Variants in ANKRD54 observed in about 807,000 individuals in gnomAD.
ANKRD54 encodes the protein ankyrin repeat domain 54.
In ANKRD54, 26 loss-of-function variants were observed where a neutral mutation model predicts 36.2. The observed-to-expected ratio is 0.72, with a 90% confidence interval of 0.53 to 1.00. ANKRD54 has a LOEUF of 1.00. Among genes scored for constraint, ANKRD54 ranks in the 50% least tolerant of loss-of-function variants. ANKRD54 has a pLI of 0.00. For synonymous variants in ANKRD54, 209 were observed against 188.4 expected (o/e 1.11, Z -0.89); for missense variants, 384 against 424.3 (o/e 0.91, Z 0.83).
chr22:37,834,586 T>A (rs764718350), intron 3 of ANKRD54: 1 of 149,272 alleles, frequency 6.7e-6, no homozygotes, highest in Non-Finnish European at 1.5e-5. Flanking sequence ...TAGTCCCAGC[T>A]ACTTGAGAGG....
At chr22:37,841,089 A>G (rs1313204896) in intron 1 of ANKRD54, among the ~76,000 whole-genome samples, 1 of 151,344 alleles carries the variant, frequency 6.6e-6, no homozygotes, top group Non-Finnish European at 1.5e-5. Context: ...CAGGAAAAAA[A>G]AAAAAAAAAA....
At position 37,844,024 on chromosome 22, in the gene ANKRD54, C is replaced by T; in HGVS notation, c.215G>A (p.Trp72Ter). 5 of 1,438,742 alleles carry T rather than the reference C, an allele frequency of 3.5e-6. No individual in the cohort carries two copies. The highest frequency in any genetic ancestry group is 4.5e-6 in the Non-Finnish European group (5 of 1,101,634). The allele number at this position is 1,438,742 out of a possible 1,614,324, so 89.1% of individuals were successfully genotyped here. Residue 72 changes from tryptophan to a stop codon, truncating the protein, a stop_gained, in exon 1 of 8, where the codon TGG (tryptophan) becomes TAG (stop). Coordinates refer to ENST00000215941, the MANE Select transcript of ANKRD54 (RefSeq NM_138797.4). LOFTEE classifies it high-confidence loss of function. The part of the protein sequence containing the change: ...QSPLRYLHVL[W>*]QQDAEPRDEL... ...GTCGCGCGGCTCCGCATCCTGCTGC[C>T]ACAGGACGTGCAAGTAGCGCAGCGG...
rs769611981 is a variant in ANKRD54 at position 37,844,057 on chromosome 22, G to T, written c.182C>A (p.Ala61Asp). The T allele has an allele frequency of 9.8e-6, 14 of 1,435,114 alleles. No individual in the cohort carries two copies. Among genetic ancestry groups the T allele is most frequent in the Non-Finnish European group, 1.3e-5 (14 of 1,102,376 alleles). 88.9% of individuals were successfully genotyped at this position (1,435,114 alleles called of 1,614,324 possible). Reference sequence around the variant, plus strand: ...GTGCAAGTAGCGCAGCGGCGACTGGGCCCCGCCGGACGCCCGGCCCGAGAG... The same window carrying T: ...GTGCAAGTAGCGCAGCGGCGACTGGTCCCCGCCGGACGCCCGGCCCGAGAG... Reference protein sequence around the residue: ...AGLSGRASGGAQSPLRYLHVL... With the variant: ...AGLSGRASGGDQSPLRYLHVL... The change falls in exon 1 of 8, where the codon GCC becomes GAC. Residue 61 changes from alanine (A) to aspartate (D), a missense_variant. By Grantham distance (126) the Ala-to-Asp change is moderately radical (BLOSUM62 -2). Transcript: ENST00000215941.
At chr22:37,847,325 G>C (rs1924894659), upstream of ANKRD54, among the ~76,000 whole-genome samples, 1 of 151,604 alleles carries the variant, frequency 6.6e-6, no homozygotes, top group Admixed American at 6.6e-5. Context: ...ACCATGCCCG[G>C]CTAATTTTAT....
chr22:37,831,255 ACTACTGGC>A lies in ANKRD54; in HGVS notation c.*680_*687del, dbSNP rs1158749660. The A allele has an allele frequency of 2.0e-5, 3 of 152,222 alleles. No individual in the cohort carries two copies. The highest frequency in any genetic ancestry group is 7.2e-5 in the African/African-American group (3 of 41,448). 9.4% of individuals were successfully genotyped at this position (152,222 alleles called of 1,614,324 possible). A position where few individuals can be genotyped will look rare whatever the true frequency, so the allele number is the denominator to read the frequency against. ...TAGGACATGGGCATCTTGGGAGGCC[ACTACTGGC>A]CTACCACAACTGGGCAGCAAAACTA... is the stretch of plus-strand genomic sequence containing the variant. On this transcript the variant is annotated 3_prime_UTR_variant, in exon 8 of 8. Coordinates refer to ENST00000215941, the MANE Select transcript of ANKRD54 (RefSeq NM_138797.4).
intron 1 of ANKRD54, among the ~76,000 whole-genome samples, chr22:37,841,848 A>AAAATAAATAAATAAAT (rs56891536): frequency 1.5e-5 from 2 of 137,784 alleles, no homozygotes; most frequent in Non-Finnish European, 3.0e-5. Flanking sequence ...ACTCTGTCTC[A>AAAATAAATAAATAAAT]AAATAAATAA....
rs1601714594 is a variant in ANKRD54, at chr22:37,831,821, T to G, written c.*122A>C. ...ATCTCTGCCCCACGGCATCTGCGGGTGAGGGCAAGGTCCTCACCAGACAAG... is the reference window on the plus strand; with the variant it reads ...ATCTCTGCCCCACGGCATCTGCGGGGGAGGGCAAGGTCCTCACCAGACAAG... On this transcript the variant is annotated 3_prime_UTR_variant, in exon 8 of 8. Coordinates refer to ENST00000215941, the MANE Select transcript of ANKRD54 (RefSeq NM_138797.4). 1 of 998,162 alleles carries G rather than the reference T, an allele frequency of 1.0e-6. No homozygotes were observed. Among genetic ancestry groups the G allele is most frequent in the Non-Finnish European group, 1.5e-6 (1 of 683,280 alleles). 61.8% of individuals were successfully genotyped at this position (998,162 alleles called of 1,614,324 possible). A position where few individuals can be genotyped will look rare whatever the true frequency, so the allele number is the denominator to read the frequency against.
rs546365281 is a variant in ANKRD54, at chr22:37,844,292, C to G, written c.-54G>C. Reference sequence around the variant, plus strand: ...CTGAGCCTCGTTCCCGACCGACCAACGGACCTACTTCCCTCCGCCCTGAGT... The same window carrying G: ...CTGAGCCTCGTTCCCGACCGACCAAGGGACCTACTTCCCTCCGCCCTGAGT... On this transcript the variant is annotated 5_prime_UTR_variant, in exon 1 of 8. Transcript: ENST00000215941. 1.3e-6 allele frequency: 2 copies of G among 1,529,052 alleles called. No individual in the cohort carries two copies. Among genetic ancestry groups the G allele is most frequent in the South Asian group, 1.2e-5 (1 of 84,280 alleles). 94.7% of individuals were successfully genotyped at this position (1,529,052 alleles called of 1,614,324 possible).
At chr22:37,837,520 T>G (rs1004590782) in intron 3 of ANKRD54, among the ~76,000 whole-genome samples, 14 of 152,186 alleles carry the variant, frequency 9.2e-5, no homozygotes, top group African/African-American at 3.4e-4. Flanking sequence ...GTCCACAGAT[T>G]CAATGAACCC....
intron 3 of ANKRD54, chr22:37,834,697 C>CAAAAAAAAAAAAAAAA (rs67811223): frequency 2.3e-5 from 1 of 43,408 alleles, no homozygotes; most frequent in African/African-American, 9.8e-5. Context: ...GACCCTGTCT[C>CAAAAAAAAAAAAAAAA]AAAAAAAAAA....
At chr22:37,832,434 C>T (rs1227134585) in intron 7 of ANKRD54, among the ~76,000 whole-genome samples, 1 of 152,114 alleles carries the variant, frequency 6.6e-6, no homozygotes, top group Non-Finnish European at 1.5e-5. Context: ...GCAATCACAG[C>T]TCACTGCAGC....
At chr22:37,848,391 AT>A (rs768338089), upstream of ANKRD54, 1,033 of 144,680 alleles carry the variant, frequency 7.1e-3, 20 homozygotes, top group East Asian at 0.079. Context: ...CCAAATCTCA[AT>A]TTTTTTTTTT....
intron 3 of ANKRD54, among the ~76,000 whole-genome samples, chr22:37,837,789 C>A (rs1333133346): frequency 6.6e-6 from 1 of 152,168 alleles, no homozygotes; most frequent in Admixed American, 6.5e-5. Flanking sequence ...GAGTTCAAGA[C>A]CAGCCTGGCC....
At chr22:37,846,438 G>C (rs1924849160), upstream of ANKRD54, among the ~76,000 whole-genome samples, 1 of 151,960 alleles carries the variant, frequency 6.6e-6, no homozygotes, top group Admixed American at 6.6e-5. Context: ...GAGTAGCTGG[G>C]GCCACAGATG....
Position 37,844,200 on chromosome 22 carries a change from G to C in ANKRD54, c.39C>G (p.Arg13=), listed in dbSNP as rs1488770279. 2.0e-6 allele frequency: 3 copies of C among 1,520,120 alleles called. No individual in the cohort carries two copies. The highest frequency in any genetic ancestry group is 1.2e-5 in the South Asian group (1 of 81,960). The allele number at this position is 1,520,120 out of a possible 1,614,324, so 94.2% of individuals were successfully genotyped here. Residue 13 remains arginine (R), a synonymous_variant, in exon 1 of 8, where the codon CGC becomes CGG. Coordinates refer to ENST00000215941, the MANE Select transcript of ANKRD54 (RefSeq NM_138797.4). ...AAAGDADDEP[R]SGHSSSEGEC... is the part of the protein sequence containing the mutation. Reference sequence around the variant, plus strand: ...CGCCCTCCGAGCTCGAGTGGCCTGAGCGCGGCTCGTCGTCCGCGTCCCCGG... The same window carrying C: ...CGCCCTCCGAGCTCGAGTGGCCTGACCGCGGCTCGTCGTCCGCGTCCCCGG...
At chr22:37,839,677 G>A (rs1230058842) in intron 2 of ANKRD54, among the ~76,000 whole-genome samples, 3 of 151,708 alleles carry the variant, frequency 2.0e-5, no homozygotes, top group Non-Finnish European at 4.4e-5. Flanking sequence ...GTGAGCCACC[G>A]CGCCCAGCTA....
In ANKRD54 at chr22:37,831,801, T is replaced by C; in HGVS notation, c.*142A>G. On this transcript the variant is annotated 3_prime_UTR_variant, in exon 8 of 8. Coordinates refer to ENST00000215941, the MANE Select transcript of ANKRD54 (RefSeq NM_138797.4). ...TGAGGCCGTGGAGAGAGAGCATCTC[T>C]GCCCCACGGCATCTGCGGGTGAGGG... 1 of 776,044 alleles carries C rather than the reference T, an allele frequency of 1.3e-6. No individual in the cohort carries two copies. The highest frequency in any genetic ancestry group is 2.6e-5 in the Admixed American group (1 of 38,558). The allele number at this position is 776,044 out of a possible 1,614,324, so 48.1% of individuals were successfully genotyped here. A position where few individuals can be genotyped will look rare whatever the true frequency, so the allele number is the denominator to read the frequency against.
chr22:37,843,954 G>T lies in ANKRD54; in HGVS notation c.285C>A (p.Ala95=). The part of the protein sequence containing the change: ...KIPAGRLRRA[A]RPHRRLGPTG... The stretch of plus-strand genomic sequence containing the variant: ...TGGGCCCGAGCCGCCGGTGGGGCCT[G>T]GCAGCGCGCCTCAGCCGGCCAGCGG... The change falls in exon 1 of 8, where the codon GCC becomes GCA. Residue 95 remains alanine (A), a synonymous_variant. Transcript: ENST00000215941. 1 of 1,395,954 alleles carries T rather than the reference G, an allele frequency of 7.2e-7. No individual in the cohort carries two copies. Among genetic ancestry groups the T allele is most frequent in the South Asian group, 1.6e-5 (1 of 64,166 alleles). 86.5% of individuals were successfully genotyped at this position (1,395,954 alleles called of 1,614,324 possible). A position where few individuals can be genotyped will look rare whatever the true frequency, so the allele number is the denominator to read the frequency against.
At position 37,844,251 on chromosome 22, in the gene ANKRD54, G is replaced by T; in HGVS notation, c.-13C>A. ...CGGCGGCTGCCATGGCAACGGCTCCGCGCGGGCCTGGCCGCCTGAGCCTCG... is the reference window on the plus strand; with the variant it reads ...CGGCGGCTGCCATGGCAACGGCTCCTCGCGGGCCTGGCCGCCTGAGCCTCG... On this transcript the variant is annotated 5_prime_UTR_variant, in exon 1 of 8. Transcript: ENST00000215941. 6.5e-7 allele frequency: 1 copy of T among 1,545,288 alleles called. No individual in the cohort carries two copies. Among genetic ancestry groups the T allele is most frequent in the Admixed American group, 1.9e-5 (1 of 53,450 alleles).
Sources: allele counts gnomAD v4.1 joint callset (sites outside exome capture counted in the v4.1 genomes callset), GRCh38; gene constraint gnomAD v4.1.1; transcripts MANE v1.5; gene names NCBI Gene and HGNC (gene_info 2026-07-23, HGNC 2026-07-21).